The following MYO9B variants were observed in gnomAD, a reference collection of about 807,000 sequenced individuals.
The protein encoded by MYO9B is unconventional myosin-IXb.
Under a neutral mutation model 229.5 loss-of-function variants are expected in MYO9B, and 71 were observed. The observed-to-expected ratio is 0.31, with a 90% CI of 0.26 to 0.38. MYO9B has a LOEUF of 0.38. MYO9B is among the 10% of genes least tolerant of loss of function. The probability of loss-of-function intolerance (pLI) is 1.00; values close to 1 mark genes in which losing one functional copy is unlikely to be tolerated. For missense variants in MYO9B, 2,255 were observed against 2,920.5 expected (o/e 0.77, Z 5.25); for synonymous variants, 1,185 against 1,235.8 (o/e 0.96, Z 0.86).
At chr19:17,099,488 ATC>A (rs1302967012) in intron 1 of MYO9B, among the ~76,000 whole-genome samples, 1 of 152,038 alleles carries the variant, frequency 6.6e-6, no homozygotes, top group East Asian at 1.9e-4. Flanking sequence ...CACTCCTGTA[ATC>A]CTAGCACTTT....
chr19:17,110,592 G>A lies in MYO9B; in HGVS notation c.840+8035G>A, dbSNP rs1432376425. Among the ~76,000 whole-genome samples the A allele has an allele frequency of 3.3e-5, 5 of 152,232 alleles. No individual in the cohort carries two copies. The East Asian group carries it at 7.7e-4, about 23-fold the overall frequency. On this transcript the variant is annotated intron_variant, in intron 2 of 39. Coordinates refer to ENST00000682292, the MANE Select transcript of MYO9B (RefSeq NM_004145.4). ...TCATCTGTCCTGAACTGTAGCAAGTGCAGCTGGCAGCTGGCAGCGTGCATG... is the reference window on the plus strand; with the variant it reads ...TCATCTGTCCTGAACTGTAGCAAGTACAGCTGGCAGCTGGCAGCGTGCATG...
intron 3 of MYO9B, among the ~76,000 whole-genome samples, chr19:17,147,159 C>G (rs2072420989): frequency 6.6e-6 from 1 of 152,248 alleles, no homozygotes; most frequent in African/African-American, 2.4e-5. Flanking sequence ...TCAGAAACAC[C>G]TGGAACAGCC....
chr19:17,080,459 A>G (rs1022874808), intron 1 of MYO9B, among the ~76,000 whole-genome samples: 3 of 152,062 alleles, frequency 2.0e-5, no homozygotes, highest in Non-Finnish European at 4.4e-5. Flanking sequence ...GGGTCTTCAC[A>G]TCGTCCTCCC....
rs1169106120 is a variant in MYO9B, at chr19:17,194,556, C to G, written c.3129C>G (p.Ser1043Arg). ...SLCRGHLQRK[S>R]FSQMISEKQK... ...GCTGTCTGCTTTTTCCTCACTCCAG[C>G]TTCAGCCAGATGATCTCGGAGAAGC... The change falls in exon 22 of 40, where the codon AGC (serine) becomes AGG (arginine). Residue 1043 changes from serine to arginine, a missense_variant and splice_region_variant. By Grantham distance (110) the Ser-to-Arg change is moderately radical (BLOSUM62 -1). Coordinates refer to ENST00000682292, the MANE Select transcript of MYO9B (RefSeq NM_004145.4). 1 of 1,612,244 alleles carries G rather than the reference C, an allele frequency of 6.2e-7. No homozygotes were observed. Among genetic ancestry groups the G allele is most frequent in the Non-Finnish European group, 8.5e-7 (1 of 1,179,710 alleles).
At chr19:17,112,465 C>G (rs2057856718) in intron 2 of MYO9B, among the ~76,000 whole-genome samples, 1 of 152,200 alleles carries the variant, frequency 6.6e-6, no homozygotes, top group Admixed American at 6.5e-5. Flanking sequence ...GGCGGGGGCC[C>G]TGGACTCGGG....
chr19:17,179,266 A>T (rs1207398993), intron 14 of MYO9B, among the ~76,000 whole-genome samples: 1 of 152,058 alleles, frequency 6.6e-6, no homozygotes, highest in African/African-American at 2.4e-5. Flanking sequence ...TGCTGTGTTC[A>T]AACTGTGGCT....
chr19:17,200,477 G>A, intron 25 of MYO9B, 51 bp downstream of exon 25: 1 of 1,536,582 alleles, frequency 6.5e-7, no homozygotes, highest in Non-Finnish European at 8.8e-7. Context: ...CAGTGCCCCT[G>A]GGGACATTCA....
chr19:17,161,481 C>T (rs2072601390), intron 8 of MYO9B, among the ~76,000 whole-genome samples: 1 of 151,122 alleles, frequency 6.6e-6, no homozygotes, highest in Non-Finnish European at 1.5e-5. Context: ...GAGTTAGAGT[C>T]CAGCCTTGGC....
rs781174659 is a variant in MYO9B, at chr19:17,193,326, T to C, written c.3128+264T>C. Reference sequence around the variant, plus strand: ...CTCTGCCCAGGGACTCCCCTGTACCTGGATCGGTCAGGGAACACCTGGATT... The same window carrying C: ...CTCTGCCCAGGGACTCCCCTGTACCCGGATCGGTCAGGGAACACCTGGATT... On this transcript the variant is annotated intron_variant, in intron 21 of 39. Coordinates refer to ENST00000682292, the MANE Select transcript of MYO9B (RefSeq NM_004145.4). The surrounding 1 kb of genome is among the most constrained non-coding windows in gnomAD (Gnocchi z 4.3). Among the ~76,000 whole-genome samples the C allele has an allele frequency of 1.3e-5, 2 of 152,188 alleles. No homozygotes were observed. The highest frequency in any genetic ancestry group is 2.9e-5 in the Non-Finnish European group (2 of 68,022).
At chr19:17,169,508 A>G (rs955742567) in intron 11 of MYO9B, among the ~76,000 whole-genome samples, 2 of 152,044 alleles carry the variant, frequency 1.3e-5, no homozygotes, top group African/African-American at 4.8e-5. Flanking sequence ...AATTCCAGCT[A>G]CTTGGGAGGC....
At chr19:17,132,688 C>CG in intron 2 of MYO9B, among the ~76,000 whole-genome samples, 1 of 144,146 alleles carries the variant, frequency 6.9e-6, no homozygotes, top group South Asian at 2.2e-4. Flanking sequence ...CCACCACGCC[C>CG]AGCTAATTTT....
At chr19:17,182,067 G>A (rs573539314) in intron 15 of MYO9B, among the ~76,000 whole-genome samples, 129 of 147,920 alleles carry the variant, frequency 8.7e-4, no homozygotes, top group African/African-American at 2.9e-3. Context: ...ATGATTCACC[G>A]CCCTTTTTTT....
intron 24 of MYO9B, among the ~76,000 whole-genome samples, chr19:17,198,972 G>A (rs533824417): frequency 6.6e-6 from 1 of 152,274 alleles, no homozygotes; most frequent in East Asian, 1.9e-4. Context: ...AGGCCAAGGT[G>A]GGATGATCAC....
intron 2 of MYO9B, among the ~76,000 whole-genome samples, chr19:17,134,143 G>T (rs1003720436): frequency 6.6e-6 from 1 of 151,930 alleles, no homozygotes; most frequent in Admixed American, 6.6e-5. Flanking sequence ...AATGGTTAGG[G>T]TTGGGCTTCT....
chr19:17,143,875 C>T (rs192953137), intron 2 of MYO9B, among the ~76,000 whole-genome samples: 186 of 152,180 alleles, frequency 1.2e-3, no homozygotes, highest in African/African-American at 4.1e-3. Flanking sequence ...GAGCCGAGAT[C>T]GTGCCACTGC....
chr19:17,176,604 G>A (rs540042779), intron 14 of MYO9B, among the ~76,000 whole-genome samples: 9 of 152,258 alleles, frequency 5.9e-5, no homozygotes, highest in South Asian at 4.1e-4. Context: ...TGCATCATGC[G>A]CTTTAGGGAG....
chr19:17,148,933 T>G (rs1327635610), intron 3 of MYO9B, among the ~76,000 whole-genome samples: 1 of 152,124 alleles, frequency 6.6e-6, no homozygotes, highest in East Asian at 1.9e-4. Context: ...CCTGGATTAT[T>G]GAGGATGATC....
At chr19:17,164,740 C>T (rs535387422) in intron 10 of MYO9B, among the ~76,000 whole-genome samples, 3 of 152,108 alleles carry the variant, frequency 2.0e-5, no homozygotes, top group Admixed American at 6.6e-5. Flanking sequence ...TTCTCCTTCA[C>T]GTTGATGATT....
intron 2 of MYO9B, among the ~76,000 whole-genome samples, chr19:17,109,036 A>T (rs756314593): frequency 6.0e-4 from 12 of 20,116 alleles, no homozygotes; most frequent in Admixed American, 1.4e-3. Flanking sequence ...TTTTAATTTT[A>T]TTTATTTATT....
Sources: gnomAD v4.1 joint callset for allele counts (sites outside exome capture counted in the v4.1 genomes callset) on GRCh38, gnomAD v4.1.1 for gene constraint, Gnocchi (gnomAD v3.1) non-coding constraint, MANE v1.5 for transcripts, NCBI Gene and HGNC (gene_info 2026-07-23, HGNC 2026-07-21) for gene names.